MEF2C: variants seen among roughly 807,000 people sequenced by gnomAD.
MEF2C encodes the protein myocyte enhancer factor 2C.
MEF2C carries 6 observed loss-of-function variants against 50.5 expected under a neutral mutation model. The observed-to-expected ratio is 0.12, with a 90% CI of 0.07 to 0.23. The LOEUF (loss-of-function observed/expected upper bound fraction) is 0.23. Among genes scored for constraint, MEF2C ranks in the 10% least tolerant of loss-of-function variants. The pLI is 1.00. For synonymous variants in MEF2C, 183 were observed against 228.0 expected, an observed-to-expected ratio of 0.80 and a Z score of 1.78; for missense variants, 276 against 605.0, an observed-to-expected ratio of 0.46 and a Z score of 5.70.
intron 10 of MEF2C, among the ~76,000 whole-genome samples, chr5:88,725,652 C>T (rs1758371727): frequency 6.6e-6 from 1 of 152,064 alleles, no homozygotes; most frequent in Admixed American, 6.6e-5. Context: ...ATTACAGATG[C>T]TTTTGAATTG....
intron 4 of MEF2C, among the ~76,000 whole-genome samples, chr5:88,757,538 T>A (rs926500947): frequency 5.3e-5 from 8 of 152,154 alleles, no homozygotes; most frequent in Admixed American, 2.6e-4. Context: ...CTCCTATTCC[T>A]CATGATGTCT....
At chr5:88,854,537 G>A (rs914076544) in intron 1 of MEF2C, among the ~76,000 whole-genome samples, 2 of 152,126 alleles carry the variant, frequency 1.3e-5, no homozygotes, top group Non-Finnish European at 2.9e-5. Flanking sequence ...AAGCCTCATG[G>A]TGGAAATACT....
intron 2 of MEF2C, among the ~76,000 whole-genome samples, chr5:88,820,321 G>A (rs1807676535): frequency 6.6e-6 from 1 of 151,804 alleles, no homozygotes; most frequent in African/African-American, 2.4e-5. Context: ...ACGTATTGAT[G>A]TTTCTGAATT....
intron 6 of MEF2C, among the ~76,000 whole-genome samples, chr5:88,732,252 C>A (rs976316123): frequency 1.3e-5 from 2 of 152,226 alleles, no homozygotes; most frequent in Non-Finnish European, 2.9e-5. Context: ...ACTAGCTTGG[C>A]GGAGGCCTGG....
chr5:88,789,930 T>A (rs1792919941), intron 3 of MEF2C, among the ~76,000 whole-genome samples: 1 of 152,222 alleles, frequency 6.6e-6, no homozygotes. Flanking sequence ...CTATTGATTA[T>A]TTTGACCAAG....
At chr5:88,895,211 T>G (rs1278785289) in intron 1 of MEF2C, among the ~76,000 whole-genome samples, 1 of 152,224 alleles carries the variant, frequency 6.6e-6, no homozygotes, top group African/African-American at 2.4e-5. Context: ...AAACAGTTAT[T>G]TTATGTAAAG....
At chr5:88,864,752 C>T (rs180918262) in intron 1 of MEF2C, among the ~76,000 whole-genome samples, 226 of 150,362 alleles carry the variant, frequency 1.5e-3, no homozygotes, top group African/African-American at 5.0e-3. Flanking sequence ...CACACCATCA[C>T]GCTTGTTTTT....
intron 4 of MEF2C, chr5:88,752,897 A>T: frequency 1.2e-5 from 4 of 326,300 alleles, no homozygotes; most frequent in Non-Finnish European, 1.8e-5. Context: ...TTTAAGCATT[A>T]CGAGTAAAAA....
At chr5:88,865,640 A>G (rs1324045559) in intron 1 of MEF2C, among the ~76,000 whole-genome samples, 1 of 152,172 alleles carries the variant, frequency 6.6e-6, no homozygotes, top group Non-Finnish European at 1.5e-5. Flanking sequence ...TACAGTTAGA[A>G]GATTCCAAAG....
intron 1 of MEF2C, among the ~76,000 whole-genome samples, chr5:88,863,545 T>C (rs1826204269): frequency 6.6e-6 from 1 of 152,254 alleles, no homozygotes; most frequent in Non-Finnish European, 1.5e-5. Context: ...TTATTAACTA[T>C]AGTCAACACA....
chr5:88,747,798 C>T (rs1770627050), intron 6 of MEF2C, among the ~76,000 whole-genome samples: 1 of 152,162 alleles, frequency 6.6e-6, no homozygotes, highest in East Asian at 1.9e-4. Context: ...CCACCCAATT[C>T]TCAGTCCTCA....
intron 3 of MEF2C, among the ~76,000 whole-genome samples, chr5:88,803,428 A>G (rs1799153984): frequency 6.6e-6 from 1 of 152,232 alleles, no homozygotes; most frequent in Non-Finnish European, 1.5e-5. Context: ...TGGGAGGCAT[A>G]TTCATTTGAT....
intron 1 of MEF2C, among the ~76,000 whole-genome samples, chr5:88,891,410 T>TC (rs1834551280): frequency 6.8e-6 from 1 of 147,268 alleles, no homozygotes; most frequent in Non-Finnish European, 1.5e-5. Flanking sequence ...TTTTTTTTTT[T>TC]TTTTTGAGAC....
intron 1 of MEF2C, among the ~76,000 whole-genome samples, chr5:88,878,399 T>A (rs985480874): frequency 6.6e-6 from 1 of 151,902 alleles, no homozygotes; most frequent in Non-Finnish European, 1.5e-5. Context: ...ATTTAGAAAC[T>A]TAGGAAGTAG....
chr5:88,756,184 A>T (rs1359017152), intron 4 of MEF2C, among the ~76,000 whole-genome samples: 1 of 152,210 alleles, frequency 6.6e-6, no homozygotes, highest in East Asian at 1.9e-4. Flanking sequence ...TATTTTAGAT[A>T]CATGTGCATG....
intron 3 of MEF2C, among the ~76,000 whole-genome samples, chr5:88,778,085 T>C (rs1190200108): frequency 2.0e-5 from 3 of 151,836 alleles, no homozygotes; most frequent in Admixed American, 2.0e-4. Context: ...TGTTTTTGTA[T>C]TTTTAGTAGA....
intron 1 of MEF2C, among the ~76,000 whole-genome samples, chr5:88,863,219 C>T (rs968137269): frequency 6.6e-6 from 1 of 152,332 alleles, no homozygotes; most frequent in Non-Finnish European, 1.5e-5. Flanking sequence ...GTGTTTATCA[C>T]ATTACATTTA....
At chr5:88,780,729 A>G (rs1304349508) in intron 3 of MEF2C, 6 of 973,896 alleles carry the variant, frequency 6.2e-6, no homozygotes, top group East Asian at 2.3e-4. Flanking sequence ...TAATACTTCA[A>G]TGAAATCAAT....
chr5:88,726,578 T>C (rs543354020), intron 10 of MEF2C, among the ~76,000 whole-genome samples: 41 of 152,154 alleles, frequency 2.7e-4, no homozygotes, highest in African/African-American at 9.2e-4. Context: ...TTCCATTGAT[T>C]TGAGGGGTAA....
Sources: gnomAD v4.1 joint callset for allele counts (sites outside exome capture counted in the v4.1 genomes callset) on GRCh38, gnomAD v4.1.1 for gene constraint, MANE v1.5 for transcripts, NCBI Gene and HGNC (gene_info 2026-07-23, HGNC 2026-07-21) for gene names.